The following SYT2 variants were observed in gnomAD, a reference collection of about 807,000 sequenced individuals.
The protein encoded by SYT2 is synaptotagmin 2.
A neutral mutation model predicts 39.9 loss-of-function variants in SYT2; 15 were observed. That is an observed-to-expected ratio of 0.38 (90% CI 0.25 to 0.58). The LOEUF (loss-of-function observed/expected upper bound fraction) is 0.58. Ranked by LOEUF, SYT2 falls within the 20% of genes least tolerant of loss-of-function variation. SYT2 has a pLI of 0.70. For synonymous variants in SYT2, 181 were observed against 204.5 expected, an observed-to-expected ratio of 0.89 and a Z score of 0.98; for missense variants, 389 against 530.3, an observed-to-expected ratio of 0.73 and a Z score of 2.62.
chr1:202,663,660 C>A (rs1049529363), intron 1 of SYT2, among the ~76,000 whole-genome samples: 1 of 152,198 alleles, frequency 6.6e-6, no homozygotes, highest in Non-Finnish European at 1.5e-5. Context: ...TCCCCTTTTA[C>A]CTCTTCCCCC....
chr1:202,666,025 C>G (rs1056195942), intron 1 of SYT2, among the ~76,000 whole-genome samples: 1 of 151,976 alleles, frequency 6.6e-6, no homozygotes, highest in South Asian at 2.1e-4. Flanking sequence ...TGGTGGCGGG[C>G]GCCTGTAGTC....
intron 1 of SYT2, among the ~76,000 whole-genome samples, chr1:202,688,407 G>A (rs1272502551): frequency 6.6e-6 from 1 of 152,196 alleles, no homozygotes; most frequent in Non-Finnish European, 1.5e-5. Flanking sequence ...GAACAGGCTG[G>A]GACTGCATAA....
At chr1:202,602,607 C>T (rs1690548793) in intron 4 of SYT2, 62 bp from the exon 5 acceptor site, 2 of 1,520,018 alleles carry the variant, frequency 1.3e-6, no homozygotes, top group South Asian at 2.5e-5. Context: ...CCACAACTGG[C>T]CCCAGACCCA....
intron 1 of SYT2, among the ~76,000 whole-genome samples, chr1:202,627,060 C>T (rs961062695): frequency 6.6e-6 from 1 of 152,206 alleles, no homozygotes; most frequent in Non-Finnish European, 1.5e-5. Flanking sequence ...GTGCAGTGCT[C>T]GCCAAGTCAG....
At chr1:202,661,042 A>G (rs1692368572) in intron 1 of SYT2, among the ~76,000 whole-genome samples, 2 of 152,154 alleles carry the variant, frequency 1.3e-5, no homozygotes, top group South Asian at 4.1e-4. Flanking sequence ...CACTCCAGAC[A>G]TGGCTCCAGG....
At chr1:202,666,850 C>T (rs1692489520) in intron 1 of SYT2, among the ~76,000 whole-genome samples, 1 of 152,136 alleles carries the variant, frequency 6.6e-6, no homozygotes, top group Non-Finnish European at 1.5e-5. Context: ...GGTGTGATGG[C>T]AGGTGCCTGT....
At chr1:202,641,779 T>C (rs1572650853) in intron 1 of SYT2, among the ~76,000 whole-genome samples, 3 of 152,372 alleles carry the variant, frequency 2.0e-5, no homozygotes, top group East Asian at 3.9e-4. Flanking sequence ...TGTGAGGTCC[T>C]TGACATCACC....
At chr1:202,608,372 G>T (rs552454217) in intron 1 of SYT2, among the ~76,000 whole-genome samples, 1 of 151,752 alleles carries the variant, frequency 6.6e-6, no homozygotes, top group South Asian at 2.1e-4. Flanking sequence ...CACCTCCAGG[G>T]CTCAAGTGAT....
At chr1:202,644,872 C>G (rs1051311060) in intron 1 of SYT2, among the ~76,000 whole-genome samples, 2 of 152,064 alleles carry the variant, frequency 1.3e-5, no homozygotes, top group African/African-American at 4.8e-5. Context: ...ACCTCACTCC[C>G]GAAGAAGCCG....
At chr1:202,648,331 C>T (rs997548206) in intron 1 of SYT2, among the ~76,000 whole-genome samples, 2 of 152,138 alleles carry the variant, frequency 1.3e-5, no homozygotes, top group Non-Finnish European at 2.9e-5. Context: ...CAGGCATGCA[C>T]CACCATGCCT....
chr1:202,686,085 T>C (rs1653658423), intron 1 of SYT2, among the ~76,000 whole-genome samples: 1 of 152,208 alleles, frequency 6.6e-6, no homozygotes, highest in African/African-American at 2.4e-5. Context: ...TCAAATTTAA[T>C]GTTGAAATGT....
intron 1 of SYT2, among the ~76,000 whole-genome samples, chr1:202,616,150 CCT>C (rs1691025627): frequency 6.6e-6 from 1 of 152,184 alleles, no homozygotes; most frequent in South Asian, 2.1e-4. Context: ...CCTGTGGCTC[CCT>C]CACACCCCTC....
rs991188395 is a variant in SYT2, at chr1:202,656,021, G to A, written c.-17-50232C>T. The stretch of plus-strand genomic sequence containing the variant: ...GGCCAAGAAATAAGGACCAGAAAGT[G>A]TGGCTTATTGTGTGCAGAGAGGAGT... On this transcript the variant is annotated intron_variant, in intron 1 of 8. Transcript: ENST00000367268. 3.3e-5 allele frequency among the ~76,000 whole-genome samples: 5 copies of A among 152,326 alleles called. No homozygotes were observed. The South Asian group carries it at 1.0e-3, about 32-fold the overall frequency.
chr1:202,670,015 C>T (rs536082829), intron 1 of SYT2, among the ~76,000 whole-genome samples: 77 of 152,306 alleles, frequency 5.1e-4, no homozygotes, highest in African/African-American at 1.8e-3. Context: ...CACACCCCAA[C>T]ATTCATCAGC....
At chr1:202,697,597 T>C (rs1011247009) in intron 1 of SYT2, among the ~76,000 whole-genome samples, 44 of 152,230 alleles carry the variant, frequency 2.9e-4, no homozygotes, top group African/African-American at 9.9e-4. Context: ...TCCAGTTTAT[T>C]TGGGAGAAGA....
At chr1:202,649,462 A>G (rs1298251874) in intron 1 of SYT2, among the ~76,000 whole-genome samples, 1 of 152,226 alleles carries the variant, frequency 6.6e-6, no homozygotes, top group East Asian at 1.9e-4. Context: ...ACATGAATTT[A>G]TTTACTTCAT....
intron 1 of SYT2, among the ~76,000 whole-genome samples, chr1:202,626,408 T>TTTTTGTTTTG (rs1691412599): frequency 7.2e-6 from 1 of 139,814 alleles, no homozygotes; most frequent in African/African-American, 2.7e-5. Context: ...CTTTTTTTTT[T>TTTTTGTTTTG]TTTTTTTTTT....
chr1:202,666,467 G>C (rs1692483588), intron 1 of SYT2, among the ~76,000 whole-genome samples: 1 of 152,202 alleles, frequency 6.6e-6, no homozygotes, highest in African/African-American at 2.4e-5. Context: ...ATAATGTACA[G>C]AGAGGAGAGG....
At chr1:202,651,252 T>C (rs972201175) in intron 1 of SYT2, among the ~76,000 whole-genome samples, 3 of 151,668 alleles carry the variant, frequency 2.0e-5, no homozygotes, top group South Asian at 2.1e-4. Context: ...GGGTAGCTAA[T>C]TGGGGGTCGG....
Sources: allele counts gnomAD v4.1 joint callset (sites outside exome capture counted in the v4.1 genomes callset), GRCh38; gene constraint gnomAD v4.1.1; transcripts MANE v1.5; gene names NCBI Gene and HGNC (gene_info 2026-07-23, HGNC 2026-07-21).